Variants in VPS50 observed in about 807,000 individuals in gnomAD.
The protein encoded by VPS50 is syndetin.
A neutral mutation model predicts 139.7 loss-of-function variants in VPS50; 70 were observed. The observed-to-expected ratio is 0.50, with a 90% CI of 0.41 to 0.61. The LOEUF is 0.61. Among genes scored for constraint, VPS50 ranks in the 20% least tolerant of loss-of-function variants. The pLI is 0.00. For synonymous variants in VPS50, 365 were observed against 376.7 expected (o/e 0.97, Z 0.36); for missense variants, 921 against 1,133.7 (o/e 0.81, Z 2.69).
chr7:93,277,754 G>A (rs529972299), intron 12 of VPS50, among the ~76,000 whole-genome samples: 2 of 152,100 alleles, frequency 1.3e-5, no homozygotes, highest in Admixed American at 6.5e-5. Flanking sequence ...GCATAATTTT[G>A]TCTTTAAATG....
rs1283658111 is a variant in VPS50 at position 93,346,901 on chromosome 7, G to C, written c.2208-1810G>C. On this transcript the variant is annotated intron_variant, in intron 23 of 27. Transcript: ENST00000305866. The stretch of plus-strand genomic sequence containing the variant: ...AAGAAAACCTAGGCATTACCATTCA[G>C]GACATAGGCATGGGCAAGGACTTCA... 1.1e-4 allele frequency among the ~76,000 whole-genome samples: 16 copies of C among 140,510 alleles called. No individual in the cohort carries two copies. In the South Asian group the frequency reaches 3.6e-3, roughly 32 times the overall value. 92.2% of individuals were successfully genotyped at this position (140,510 alleles called of 152,430 possible). A position where few individuals can be genotyped will look rare whatever the true frequency, so the allele number is the denominator to read the frequency against.
intron 1 of VPS50, 104 bp downstream of exon 1, chr7:93,232,604 T>TGGTGGCA (rs1794668094): frequency 1.5e-5 from 15 of 1,018,638 alleles, no homozygotes; most frequent in South Asian, 1.4e-4. Flanking sequence ...AAGTTATGGG[T>TGGTGGCA]GGTGGCAGGT....
chr7:93,351,913 A>T (rs903566222), intron 25 of VPS50, among the ~76,000 whole-genome samples: 1 of 152,224 alleles, frequency 6.6e-6, no homozygotes, highest in African/African-American at 2.4e-5. Context: ...TACTCAGAGT[A>T]TTAACCTGAG....
chr7:93,255,704 G>A (rs915534735), intron 4 of VPS50, among the ~76,000 whole-genome samples: 6 of 152,114 alleles, frequency 3.9e-5, no homozygotes, highest in Non-Finnish European at 7.4e-5. Context: ...ATTAATGTAC[G>A]TAATTTCAAA....
At chr7:93,310,676 G>A (rs908525293) in intron 19 of VPS50, among the ~76,000 whole-genome samples, 16 of 151,780 alleles carry the variant, frequency 1.1e-4, no homozygotes, top group Non-Finnish European at 1.6e-4. Flanking sequence ...TTTTCTGAGC[G>A]CACTCTGTTC....
At chr7:93,285,694 G>C (rs1227770024) in intron 12 of VPS50, among the ~76,000 whole-genome samples, 1 of 152,178 alleles carries the variant, frequency 6.6e-6, no homozygotes, top group African/African-American at 2.4e-5. Flanking sequence ...GGCTGAGGTG[G>C]TTAATAGAAG....
intron 21 of VPS50, among the ~76,000 whole-genome samples, chr7:93,330,846 T>C (rs914147911): frequency 6.6e-6 from 1 of 151,076 alleles, no homozygotes; most frequent in African/African-American, 2.4e-5. Flanking sequence ...GGCATATGGA[T>C]TGGAAAAGAA....
At chr7:93,279,194 C>A (rs934058115) in intron 12 of VPS50, among the ~76,000 whole-genome samples, 11 of 152,202 alleles carry the variant, frequency 7.2e-5, no homozygotes, top group Admixed American at 3.3e-4. Context: ...AGTGCTGCTA[C>A]AGGCAGATAT....
At chr7:93,338,496 T>C (rs1176070373) in intron 22 of VPS50, among the ~76,000 whole-genome samples, 2 of 152,164 alleles carry the variant, frequency 1.3e-5, no homozygotes. Context: ...TCAACAAATG[T>C]TTATATAGTA....
At chr7:93,257,765 T>C in intron 6 of VPS50, 1 of 252,874 alleles carries the variant, frequency 4.0e-6, no homozygotes, top group Non-Finnish European at 7.4e-6. Context: ...TGTTACAGGC[T>C]GTGATTTTTT....
intron 20 of VPS50, among the ~76,000 whole-genome samples, chr7:93,316,884 C>G (rs1217398623): frequency 1.3e-5 from 2 of 152,168 alleles, no homozygotes; most frequent in African/African-American, 4.8e-5. Flanking sequence ...ATGAGTTTAT[C>G]TTGGCAGAGG....
intron 24 of VPS50, among the ~76,000 whole-genome samples, chr7:93,349,651 CA>C (rs1798502221): frequency 6.6e-6 from 1 of 152,110 alleles, no homozygotes; most frequent in South Asian, 2.1e-4. Context: ...TTGACAGTTG[CA>C]GTGTCAATGG....
chr7:93,282,029 C>G (rs942218134), intron 12 of VPS50, among the ~76,000 whole-genome samples: 1 of 151,892 alleles, frequency 6.6e-6, no homozygotes, highest in Admixed American at 6.6e-5. Flanking sequence ...ACGGTGAAAC[C>G]CTGTCTCTAC....
chr7:93,357,723 T>A (rs1798745056), intron 27 of VPS50, among the ~76,000 whole-genome samples: 1 of 152,180 alleles, frequency 6.6e-6, no homozygotes, highest in Non-Finnish European at 1.5e-5. Context: ...AATCCCTGTT[T>A]ATTCTCATCC....
chr7:93,340,787 T>C (rs1798188866), intron 22 of VPS50: 1 of 152,262 alleles, frequency 6.6e-6, no homozygotes, highest in African/African-American at 2.4e-5. Context: ...ACTGCATCAC[T>C]CCTGTTGACT....
At chr7:93,330,248 A>G (rs1008587244) in intron 21 of VPS50, among the ~76,000 whole-genome samples, 2 of 152,178 alleles carry the variant, frequency 1.3e-5, no homozygotes, top group Admixed American at 1.3e-4. Context: ...CTTTTAGCCA[A>G]CAGGAATATT....
At chr7:93,236,228 T>C (rs1325467486) in intron 1 of VPS50, among the ~76,000 whole-genome samples, 4 of 152,166 alleles carry the variant, frequency 2.6e-5, no homozygotes, top group African/African-American at 4.8e-5. Flanking sequence ...TGCTTTTGGA[T>C]TGAGCAGCGT....
intron 20 of VPS50, among the ~76,000 whole-genome samples, chr7:93,317,797 A>T (rs1797471798): frequency 6.6e-6 from 1 of 152,222 alleles, no homozygotes; most frequent in Non-Finnish European, 1.5e-5. Flanking sequence ...GATAATTAAA[A>T]TAGTAGCTTC....
intron 26 of VPS50, among the ~76,000 whole-genome samples, chr7:93,354,812 G>A (rs1371332484): frequency 6.6e-6 from 1 of 152,124 alleles, no homozygotes; most frequent in Non-Finnish European, 1.5e-5. Context: ...AAATATCCCT[G>A]AGAAGCGAAC....
Sources: gnomAD v4.1 joint callset for allele counts (sites outside exome capture counted in the v4.1 genomes callset) on GRCh38, gnomAD v4.1.1 for gene constraint, MANE v1.5 for transcripts, NCBI Gene and HGNC (gene_info 2026-07-23, HGNC 2026-07-21) for gene names.